Variants in SIVA1 observed in about 807,000 individuals in gnomAD.
The protein encoded by SIVA1 is apoptosis regulatory protein Siva.
In SIVA1, 10 loss-of-function variants were observed where a neutral mutation model predicts 19.7. The ratio of observed to expected loss-of-function variants is 0.51; its 90% CI spans 0.31 to 0.86. The LOEUF is 0.86. Ranked by LOEUF, SIVA1 falls within the 40% of genes least tolerant of loss-of-function variation. SIVA1 has a pLI of 0.04. For missense variants in SIVA1, 241 were observed against 245.2 expected, an observed-to-expected ratio of 0.98 and a Z score of 0.11; for synonymous variants, 130 against 106.1, an observed-to-expected ratio of 1.23 and a Z score of -1.39.
Position 104,756,676 on chromosome 14 carries a change from A to G in SIVA1, c.386A>G (p.Gln129Arg). The G allele has an allele frequency of 6.2e-7, 1 of 1,614,172 alleles. No homozygotes were observed. Among genetic ancestry groups the G allele is most frequent in the Non-Finnish European group, 8.5e-7 (1 of 1,180,012 alleles). The change falls in exon 3 of 4, where the codon CAG (glutamine) becomes CGG (arginine). Residue 129 changes from glutamine to arginine, a missense_variant. Coordinates refer to ENST00000329967, the MANE Select transcript of SIVA1 (RefSeq NM_006427.4). ...GTGGATGGGAAGGCGGTCTGCGGTCAGTGTGAGCGAGCCCTGTGCGGGCAG... is the reference window on the plus strand; with the variant it reads ...GTGGATGGGAAGGCGGTCTGCGGTCGGTGTGAGCGAGCCCTGTGCGGGCAG... ...RAVDGKAVCG[Q>R]CERALCGQCV...
rs750324227 is a variant in SIVA1 at position 104,753,222 on chromosome 14, C to G, written c.21C>G (p.Pro7=). The change falls in exon 1 of 4, where the codon CCC becomes CCG. Residue 7 remains proline (P), a synonymous_variant. Transcript: ENST00000329967. MPKRSC[P]FADVAPLQLK... is the part of the protein sequence containing the mutation. ...CGGCCATGCCCAAGCGGAGCTGCCC[C>G]TTCGCGGACGTGGCCCCGCTACAGC... The G allele has an allele frequency of 1.9e-6, 3 of 1,581,698 alleles. No individual in the cohort carries two copies. Among genetic ancestry groups the G allele is most frequent in the Non-Finnish European group, 2.6e-6 (3 of 1,166,788 alleles).
Position 104,759,416 on chromosome 14 carries a change from A to C in SIVA1, c.471-12A>C. ...CAGCAGCTTTTCTCTCCCCTCCCTG[A>C]CGCTGTCGCAGCTGCAGTGACATGT... On this transcript the variant is annotated splice_polypyrimidine_tract_variant and intron_variant, in intron 3 of 3. Transcript: ENST00000329967. The surrounding 1 kb of genome is among the most constrained non-coding windows in gnomAD (Gnocchi z 4.2). The C allele has an allele frequency of 6.2e-7, 1 of 1,612,468 alleles. No individual in the cohort carries two copies. The highest frequency in any genetic ancestry group is 8.5e-7 in the Non-Finnish European group (1 of 1,179,130).
intron 3 of SIVA1, chr14:104,758,488 TTTC>T (rs1235962534): frequency 8.3e-6 from 1 of 120,154 alleles, no homozygotes; most frequent in Admixed American, 9.5e-5. Context: ...CCTTTAGAGC[TTTC>T]TTTTTTTTTT....
intron 3 of SIVA1, chr14:104,757,316 T>C (rs1430754432): frequency 2.3e-6 from 1 of 433,802 alleles, no homozygotes; most frequent in Non-Finnish European, 4.6e-6. Flanking sequence ...GTGTGGAGCC[T>C]GTTTGCCCTG....
At chr14:104,756,219 G>C in intron 2 of SIVA1, 2 of 437,656 alleles carry the variant, frequency 4.6e-6, no homozygotes, top group Non-Finnish European at 8.5e-6. Flanking sequence ...GGTGTGTCTA[G>C]GAGGAGCCCA....
chr14:104,754,700 C>T (rs1306113416), intron 1 of SIVA1, among the ~76,000 whole-genome samples: 3 of 152,106 alleles, frequency 2.0e-5, no homozygotes, highest in Non-Finnish European at 2.9e-5. Flanking sequence ...ATCTCTTAAC[C>T]TCGAATTGTC....
At chr14:104,753,735 G>A (rs1275416761) in intron 1 of SIVA1, 1 of 450,382 alleles carries the variant, frequency 2.2e-6, no homozygotes, top group Admixed American at 2.4e-5. Flanking sequence ...TGTCCCAAGA[G>A]GTATTCATGG....
rs2140866029 is a variant in SIVA1 at position 104,759,562 on chromosome 14, C to T, written c.*77C>T. 2.4e-6 allele frequency: 3 copies of T among 1,242,308 alleles called. No homozygotes were observed. The South Asian group carries it at 3.7e-5, about 15-fold the overall frequency. 77.0% of individuals were successfully genotyped at this position (1,242,308 alleles called of 1,614,324 possible). A position where few individuals can be genotyped will look rare whatever the true frequency, so the allele number is the denominator to read the frequency against. ...CTTCCCTGGACGAGCGCTCGGTGTT[C>T]ACACTGAACTGTGGGGTCGACGGGA... On this transcript the variant is annotated 3_prime_UTR_variant, in exon 4 of 4. Coordinates refer to ENST00000329967, the MANE Select transcript of SIVA1 (RefSeq NM_006427.4). This position sits in a 1 kb window ranked among gnomAD's most constrained non-coding sequence, Gnocchi z 4.2.
chr14:104,753,180 C>A lies in SIVA1; in HGVS notation c.-22C>A. ...TAAGGGGCTGGCGGCCGGGGAGCTG[C>A]GTAGCTCCCGGCCCCGCGGCCATGC... On this transcript the variant is annotated 5_prime_UTR_variant, in exon 1 of 4. Coordinates refer to ENST00000329967, the MANE Select transcript of SIVA1 (RefSeq NM_006427.4). 6.7e-7 allele frequency: 1 copy of A among 1,486,512 alleles called. No homozygotes were observed. Among genetic ancestry groups the A allele is most frequent in the Non-Finnish European group, 9.2e-7 (1 of 1,091,894 alleles). 92.1% of individuals were successfully genotyped at this position (1,486,512 alleles called of 1,614,324 possible).
Position 104,753,276 on chromosome 14 carries a change from G to T in SIVA1, c.75G>T (p.Leu25Phe). The change falls in exon 1 of 4, where the codon TTG becomes TTT. Residue 25 changes from leucine to phenylalanine, a missense_variant. By Grantham distance (22) the Leu-to-Phe change is conservative. Coordinates refer to ENST00000329967, the MANE Select transcript of SIVA1 (RefSeq NM_006427.4). ...AGGTCCGCGTGAGCCAGAGGGAGTT[G>T]AGCCGCGGCGTGTGCGCCGAGCGCT... is the stretch of plus-strand genomic sequence containing the variant. ...QLKVRVSQRELSRGVCAERYS... is the reference protein window; with the variant it reads ...QLKVRVSQREFSRGVCAERYS... 1 of 1,601,450 alleles carries T rather than the reference G, an allele frequency of 6.2e-7. No individual in the cohort carries two copies. Among genetic ancestry groups the T allele is most frequent in the Non-Finnish European group, 8.5e-7 (1 of 1,175,914 alleles).
chr14:104,755,710 C>CT lies in SIVA1; in HGVS notation c.200dup (p.Pro68AlafsTer38). On this transcript the variant is annotated frameshift_variant, in exon 2 of 4. Transcript: ENST00000329967. LOFTEE classifies it high-confidence loss of function. ...GGATGAAGGCTGTGCCGTCGTTCAC[C>CT]TGCCAGAGTCCCCAAAGCCTGGCCC... 3.1e-6 allele frequency: 5 copies of CT among 1,614,112 alleles called. No individual in the cohort carries two copies. Among genetic ancestry groups the CT allele is most frequent in the Non-Finnish European group, 4.2e-6 (5 of 1,180,000 alleles).
At chr14:104,757,302 G>T (rs1325340927) in intron 3 of SIVA1, 1 of 444,408 alleles carries the variant, frequency 2.3e-6, no homozygotes, top group South Asian at 1.6e-5. Flanking sequence ...GATGGGAGTG[G>T]ACAGTGTGGA....
At chr14:104,755,113 G>A (rs979658923) in intron 1 of SIVA1, among the ~76,000 whole-genome samples, 6 of 152,218 alleles carry the variant, frequency 3.9e-5, no homozygotes, top group African/African-American at 1.2e-4. Context: ...TCTGTAGCAG[G>A]TGAAGGGGGT....
In SIVA1 at chr14:104,756,769, T is replaced by C. The variant is rs1300576135; in HGVS notation, c.470+9T>C. On this transcript the variant is annotated intron_variant, in intron 3 of 3. Coordinates refer to ENST00000329967, the MANE Select transcript of SIVA1 (RefSeq NM_006427.4). ...CTGTGTGGCCTCGTGGAGTAAGTAC[T>C]TCAGTCCCTGGAGCTGCTGAGATCC... 7 of 1,604,492 alleles carry C rather than the reference T, an allele frequency of 4.4e-6. No individual in the cohort carries two copies. Among genetic ancestry groups the C allele is most frequent in the Non-Finnish European group, 6.0e-6 (7 of 1,173,938 alleles).
rs746033265 is a variant in SIVA1, at chr14:104,753,381, A to G, written c.118+62A>G. The G allele has an allele frequency of 4.2e-4, 496 of 1,183,020 alleles. 2 individuals are homozygous for G. In the Middle Eastern group the frequency reaches 0.011, roughly 26 times the overall value. The allele number at this position is 1,183,020 out of a possible 1,614,324, so 73.3% of individuals were successfully genotyped here. ...CGGGGCCTGGAACGGGCCGGGCCTC[A>G]GCGTCCCCTCTGAGGCCTGAGCGGG... is the stretch of plus-strand genomic sequence containing the variant. On this transcript the variant is annotated intron_variant, in intron 1 of 3. Coordinates refer to ENST00000329967, the MANE Select transcript of SIVA1 (RefSeq NM_006427.4).
In SIVA1 at chr14:104,757,527, G is replaced by C. The variant is rs77368043; in HGVS notation, c.470+767G>C. ...GAGACGGAGAGCCCTGGGCAGGGGG[G>C]GCAGCACCAGGGAGAAGCGCCGCGT... On this transcript the variant is annotated intron_variant, in intron 3 of 3. Coordinates refer to ENST00000329967, the MANE Select transcript of SIVA1 (RefSeq NM_006427.4). 2.9e-5 allele frequency: 5 copies of C among 170,656 alleles called. No individual in the cohort carries two copies. In the Middle Eastern group the frequency reaches 2.0e-3, roughly 69 times the overall value. The allele number at this position is 170,656 out of a possible 1,614,324, so 10.6% of individuals were successfully genotyped here.
chr14:104,759,364 G>A lies in SIVA1; in HGVS notation c.471-64G>A. 7.2e-7 allele frequency: 1 copy of A among 1,381,140 alleles called. No individual in the cohort carries two copies. The highest frequency in any genetic ancestry group is 1.2e-5 in the South Asian group (1 of 81,986). 85.6% of individuals were successfully genotyped at this position (1,381,140 alleles called of 1,614,324 possible). On this transcript the variant is annotated intron_variant, in intron 3 of 3. Transcript: ENST00000329967. The surrounding 1 kb of genome is among the most constrained non-coding windows in gnomAD (Gnocchi z 4.2). ...AGGACTTTGACGTTTGAATGGTGGG[G>A]GGTGGTGGACACAATTCAGCCCCTG...
chr14:104,753,190 G>C lies in SIVA1; in HGVS notation c.-12G>C. 1 of 1,543,876 alleles carries C rather than the reference G, an allele frequency of 6.5e-7. No homozygotes were observed. The highest frequency in any genetic ancestry group is 8.8e-7 in the Non-Finnish European group (1 of 1,142,120). ...GCGGCCGGGGAGCTGCGTAGCTCCCGGCCCCGCGGCCATGCCCAAGCGGAG... is the reference window on the plus strand; with the variant it reads ...GCGGCCGGGGAGCTGCGTAGCTCCCCGCCCCGCGGCCATGCCCAAGCGGAG... On this transcript the variant is annotated 5_prime_UTR_variant, in exon 1 of 4. Transcript: ENST00000329967.
intron 2 of SIVA1, 116 bp downstream of exon 2, chr14:104,755,940 CCAGAG>C (rs1375741894): frequency 9.8e-7 from 1 of 1,019,356 alleles, no homozygotes; most frequent in South Asian, 1.4e-5. Context: ...GGACTCTGAC[CCAGAG>C]CTTGGCCTTC....
Sources: gnomAD v4.1 joint callset for allele counts (sites outside exome capture counted in the v4.1 genomes callset) on GRCh38, gnomAD v4.1.1 for gene constraint, Gnocchi (gnomAD v3.1) non-coding constraint, MANE v1.5 for transcripts, NCBI Gene and HGNC (gene_info 2026-07-23, HGNC 2026-07-21) for gene names.